Variants in BICD1 observed in about 807,000 individuals in gnomAD.
BICD1 encodes the protein BICD cargo adaptor 1.
In BICD1, 35 loss-of-function variants were observed where a neutral mutation model predicts 92.5. The observed-to-expected ratio is 0.38, with a 90% CI of 0.29 to 0.50. BICD1 has a LOEUF of 0.50. Among genes scored for constraint, BICD1 ranks in the 20% least tolerant of loss-of-function variants. The pLI, the probability that BICD1 is intolerant of heterozygous loss-of-function variation, is 0.93. For synonymous variants in BICD1, 429 were observed against 465.1 expected (o/e 0.92, Z 1.00); for missense variants, 950 against 1,189.8 (o/e 0.80, Z 2.97).
intron 2 of BICD1, among the ~76,000 whole-genome samples, chr12:32,252,090 A>ATATATTTATAATAAATATTATATATT (rs1565619444): frequency 1.5e-3 from 38 of 25,440 alleles, no homozygotes; most frequent in African/African-American, 7.9e-3. Context: ...ATTTATAAAT[A>ATATATTTATAATAAATATTATATATT]TATATTTATA....
At chr12:32,145,865 T>C (rs1396519308) in intron 1 of BICD1, among the ~76,000 whole-genome samples, 3 of 152,236 alleles carry the variant, frequency 2.0e-5, no homozygotes, top group Non-Finnish European at 4.4e-5. Flanking sequence ...ATTCATATAA[T>C]GTTTGTCTTT....
Position 32,338,952 on chromosome 12 carries a change from GA to G in BICD1, c.2743del (p.Arg915GlyfsTer2). On this transcript the variant is annotated frameshift_variant, in exon 8 of 10. Transcript: ENST00000652176. LOFTEE classifies it high-confidence loss of function. ...EFIQGHRLSK[E>X]KRLTVAPPDC... Reference sequence around the variant, plus strand: ...CATCCAAGGGCACCGGCTCAGCAAGGAAAAAAGGTTAACCGTGGCTCCACCA... The same window carrying G: ...CATCCAAGGGCACCGGCTCAGCAAGGAAAAAGGTTAACCGTGGCTCCACCA... The G allele has an allele frequency of 1.9e-6, 3 of 1,597,966 alleles. No homozygotes were observed. The highest frequency in any genetic ancestry group is 2.6e-6 in the Non-Finnish European group (3 of 1,174,800).
chr12:32,347,206 C>T (rs909227444), intron 8 of BICD1, among the ~76,000 whole-genome samples: 6 of 151,750 alleles, frequency 4.0e-5, no homozygotes, highest in Non-Finnish European at 8.8e-5. Flanking sequence ...CTGCCTCAGC[C>T]TTCCAAAGTG....
intron 2 of BICD1, among the ~76,000 whole-genome samples, chr12:32,255,387 G>A (rs1414216364): frequency 2.0e-5 from 3 of 152,088 alleles, no homozygotes; most frequent in African/African-American, 7.2e-5. Context: ...CAGCCACCAT[G>A]TGCCAGTCAT....
At chr12:32,199,080 G>C (rs1944823384) in intron 1 of BICD1, among the ~76,000 whole-genome samples, 1 of 152,180 alleles carries the variant, frequency 6.6e-6, no homozygotes, top group African/African-American at 2.4e-5. Context: ...TGGGGGATGA[G>C]TTGCAGAGAG....
At chr12:32,145,893 G>T (rs923329944) in intron 1 of BICD1, among the ~76,000 whole-genome samples, 2 of 152,150 alleles carry the variant, frequency 1.3e-5, no homozygotes, top group African/African-American at 4.8e-5. Context: ...TGAATTGTCA[G>T]CTTTGGTCAT....
intron 1 of BICD1, among the ~76,000 whole-genome samples, chr12:32,193,285 A>C (rs1944629419): frequency 6.6e-6 from 1 of 152,248 alleles, no homozygotes. Context: ...AGCAAAAAAG[A>C]TTGTGACTCA....
chr12:32,248,823 G>C (rs549715911), intron 2 of BICD1, among the ~76,000 whole-genome samples: 35 of 152,294 alleles, frequency 2.3e-4, no homozygotes, highest in African/African-American at 7.9e-4. Context: ...TGGAAAAGCA[G>C]GTTGTTGGCT....
In BICD1 at chr12:32,357,352, A is replaced by G. The variant is rs146737807; in HGVS notation, c.2765-10318A>G. On this transcript the variant is annotated intron_variant, in intron 8 of 9. Coordinates refer to ENST00000652176, the MANE Select transcript of BICD1 (RefSeq NM_001714.4). Reference sequence around the variant, plus strand: ...TTAATTTGTGCTTCTTGCCTTTCGTATATATCTTTTTCATTTTGAGTTTCC... The same window carrying G: ...TTAATTTGTGCTTCTTGCCTTTCGTGTATATCTTTTTCATTTTGAGTTTCC... 3.7e-4 allele frequency among the ~76,000 whole-genome samples: 57 copies of G among 152,106 alleles called. 1 individual carries two copies. In the East Asian group the frequency reaches 6.0e-3, roughly 16 times the overall value.
chr12:32,178,667 G>A (rs557557981), intron 1 of BICD1, among the ~76,000 whole-genome samples: 74 of 151,996 alleles, frequency 4.9e-4, no homozygotes, highest in Non-Finnish European at 8.1e-4. Flanking sequence ...CCACTGCTCC[G>A]GGCTGTTCTA....
chr12:32,116,510 C>CTCTCTCTA (rs1233964108), intron 1 of BICD1, among the ~76,000 whole-genome samples: 4 of 104,374 alleles, frequency 3.8e-5, no homozygotes, highest in South Asian at 3.3e-4. Context: ...CTCTCTCTCT[C>CTCTCTCTA]TATATATATA....
At chr12:32,237,549 G>A (rs1241216238) in intron 2 of BICD1, among the ~76,000 whole-genome samples, 1 of 152,196 alleles carries the variant, frequency 6.6e-6, no homozygotes, top group Admixed American at 6.5e-5. Flanking sequence ...TTGGGCTCTT[G>A]TTAGGGGCTA....
intron 1 of BICD1, among the ~76,000 whole-genome samples, chr12:32,178,877 G>C (rs1944194362): frequency 6.6e-6 from 1 of 151,960 alleles, no homozygotes; most frequent in Admixed American, 6.6e-5. Context: ...GCACACTGCA[G>C]GCCGGGCATC....
intron 3 of BICD1, among the ~76,000 whole-genome samples, chr12:32,295,418 T>C (rs917670241): frequency 2.0e-5 from 3 of 152,150 alleles, no homozygotes; most frequent in Non-Finnish European, 4.4e-5. Flanking sequence ...ATCAACAGCC[T>C]ATGTGCCAGG....
intron 1 of BICD1, among the ~76,000 whole-genome samples, chr12:32,202,677 CT>C (rs1486182377): frequency 6.6e-6 from 1 of 152,100 alleles, no homozygotes; most frequent in Non-Finnish European, 1.5e-5. Flanking sequence ...GTGGTGTGAT[CT>C]TGGCTCACTG....
At chr12:32,139,880 A>AAATACTGGTAACAGAAAACTTGTTGGCGT (rs1942852322) in intron 1 of BICD1, among the ~76,000 whole-genome samples, 1 of 152,186 alleles carries the variant, frequency 6.6e-6, no homozygotes, top group Non-Finnish European at 1.5e-5. Flanking sequence ...GTTAAAAAAA[A>AAATACTGGTAACAGAAAACTTGTTGGCGT]AATACTGGTA....
At chr12:32,143,110 A>G (rs1354549717) in intron 1 of BICD1, among the ~76,000 whole-genome samples, 1 of 152,312 alleles carries the variant, frequency 6.6e-6, no homozygotes, top group African/African-American at 2.4e-5. Context: ...ATATGTCTAT[A>G]TAACCTTTCT....
At chr12:32,272,229 A>G (rs775963627) in intron 2 of BICD1, among the ~76,000 whole-genome samples, 2 of 152,224 alleles carry the variant, frequency 1.3e-5, no homozygotes, top group African/African-American at 2.4e-5. Flanking sequence ...TCCTGGCCCA[A>G]TAATGAGATG....
intron 2 of BICD1, among the ~76,000 whole-genome samples, chr12:32,224,191 T>C (rs971369880): frequency 6.6e-6 from 1 of 152,100 alleles, no homozygotes; most frequent in African/African-American, 2.4e-5. Flanking sequence ...TGCTGGGAAG[T>C]TTTCTGTTTC....
Sources: allele counts gnomAD v4.1 joint callset (sites outside exome capture counted in the v4.1 genomes callset), GRCh38; gene constraint gnomAD v4.1.1; transcripts MANE v1.5; gene names NCBI Gene and HGNC (gene_info 2026-07-23, HGNC 2026-07-21).